Variants in FAM184A observed in about 807,000 individuals in gnomAD.
FAM184A encodes family with sequence similarity 184 member A.
A neutral mutation model predicts 143.8 loss-of-function variants in FAM184A; 99 were observed. The observed-to-expected ratio is 0.69, with a 90% CI of 0.58 to 0.81. FAM184A has a LOEUF of 0.81. Among genes scored for constraint, FAM184A ranks in the 40% least tolerant of loss-of-function variants. The probability of loss-of-function intolerance (pLI) is 0.00; values close to 1 mark genes in which losing one functional copy is unlikely to be tolerated. For synonymous variants in FAM184A, 427 were observed against 446.4 expected (o/e 0.96, Z 0.55); for missense variants, 1,217 against 1,310.5 (o/e 0.93, Z 1.10).
At chr6:119,032,536 G>A (rs1342935461) in intron 1 of FAM184A, among the ~76,000 whole-genome samples, 1 of 147,178 alleles carries the variant, frequency 6.8e-6, no homozygotes, top group Non-Finnish European at 1.5e-5. Flanking sequence ...GAGGGAGAGG[G>A]AGAGGGAGAG....
At chr6:119,136,122 C>CA (rs1342560926) in intron 1 of FAM184A, among the ~76,000 whole-genome samples, 18 of 148,300 alleles carry the variant, frequency 1.2e-4, no homozygotes. Flanking sequence ...ACTAAAAATA[C>CA]AAAAAATTAG....
intron 1 of FAM184A, among the ~76,000 whole-genome samples, chr6:119,072,497 C>G (rs1787727199): frequency 6.6e-6 from 1 of 152,268 alleles, no homozygotes; most frequent in South Asian, 2.1e-4. Context: ...GAAAGAGTAT[C>G]TAGATAATTC....
intron 1 of FAM184A, among the ~76,000 whole-genome samples, chr6:119,123,248 G>T (rs952751628): frequency 1.3e-5 from 2 of 151,976 alleles, no homozygotes; most frequent in Non-Finnish European, 2.9e-5. Context: ...AATTAGCCGG[G>T]CCTGGTGGTG....
At chr6:118,989,789 G>C (rs867340479) in intron 9 of FAM184A, among the ~76,000 whole-genome samples, 72 of 148,792 alleles carry the variant, frequency 4.8e-4, no homozygotes, top group African/African-American at 1.6e-3. Flanking sequence ...ACTTTTAGTT[G>C]TAGTATTTTT....
Position 118,961,893 on chromosome 6 carries a change from G to C in FAM184A, c.3209C>G (p.Ser1070Cys), listed in dbSNP as rs762827450. Residue 1070 changes from serine (S) to cysteine (C), a missense_variant, in exon 17 of 18, where the codon TCT (serine) becomes TGT (cysteine). Ser to Cys is a moderately radical substitution (Grantham distance 112, BLOSUM62 -1). Coordinates refer to ENST00000338891, the MANE Select transcript of FAM184A (RefSeq NM_024581.6). ...AGGATGTCCATTGCCCACTCCACCA[G>C]ATTCCAGAGCACTTAGATTGGGAAC... ...VSVPNLSALE[S>C]GGVGNGHPNR... is the part of the protein sequence containing the mutation. 2 of 1,613,930 alleles carry C rather than the reference G, an allele frequency of 1.2e-6. No homozygotes were observed. Among genetic ancestry groups the C allele is most frequent in the East Asian group, 4.5e-5 (2 of 44,882 alleles).
chr6:119,086,223 T>A (rs957713750), intron 1 of FAM184A, among the ~76,000 whole-genome samples: 8 of 152,266 alleles, frequency 5.3e-5, no homozygotes, highest in African/African-American at 1.9e-4. Context: ...AGATTGTTTA[T>A]GCAGAAATAT....
intron 1 of FAM184A, among the ~76,000 whole-genome samples, chr6:119,067,079 T>G (rs1787477580): frequency 6.6e-6 from 1 of 152,254 alleles, no homozygotes; most frequent in Non-Finnish European, 1.5e-5. Flanking sequence ...TTTACATATT[T>G]TTTTTCCTTT....
intron 4 of FAM184A, among the ~76,000 whole-genome samples, chr6:119,017,162 T>A (rs1785285472): frequency 6.6e-6 from 1 of 152,172 alleles, no homozygotes; most frequent in South Asian, 2.1e-4. Context: ...TAGACTATTA[T>A]CATATTAGAC....
At chr6:119,085,218 A>C (rs1788186507) in intron 1 of FAM184A, among the ~76,000 whole-genome samples, 1 of 152,132 alleles carries the variant, frequency 6.6e-6, no homozygotes, top group South Asian at 2.1e-4. Flanking sequence ...TGTAAGTTCC[A>C]GTTTCAGATA....
At chr6:118,994,737 A>ATAAATAAATAGC (rs1171147943) in intron 9 of FAM184A, among the ~76,000 whole-genome samples, 4 of 134,546 alleles carry the variant, frequency 3.0e-5, no homozygotes, top group Non-Finnish European at 5.2e-5. Flanking sequence ...AAATAAATAA[A>ATAAATAAATAGC]AAGCCAGAGG....
At position 118,960,194 on chromosome 6, in the gene FAM184A, T is replaced by C. The variant is rs1192718433; in HGVS notation, c.3342-10A>G. 13 of 1,608,370 alleles carry C rather than the reference T, an allele frequency of 8.1e-6. No homozygotes were observed. Among genetic ancestry groups the C allele is most frequent in the East Asian group, 2.2e-5 (1 of 44,848 alleles). ...TTCACTCTGAGCAGGACTGAATTCA[T>C]AAAAAGAGAGACATGTAACCCAGCA... On this transcript the variant is annotated splice_polypyrimidine_tract_variant and intron_variant, in intron 17 of 17. Coordinates refer to ENST00000338891, the MANE Select transcript of FAM184A (RefSeq NM_024581.6).
intron 1 of FAM184A, among the ~76,000 whole-genome samples, chr6:119,073,183 A>G (rs1490482470): frequency 6.6e-6 from 1 of 152,230 alleles, no homozygotes; most frequent in East Asian, 1.9e-4. Flanking sequence ...AAGCCCAACA[A>G]GGGTAGCTGG....
chr6:119,081,879 C>G (rs926171079), upstream of FAM184A, among the ~76,000 whole-genome samples: 1 of 152,216 alleles, frequency 6.6e-6, no homozygotes, highest in African/African-American at 2.4e-5. Flanking sequence ...TCTTGGCATC[C>G]AGCCACCTGT....
chr6:119,141,372 C>T (rs115730491), intron 1 of FAM184A, among the ~76,000 whole-genome samples: 2,457 of 152,320 alleles, frequency 0.016, 66 homozygotes, highest in African/African-American at 0.053. Flanking sequence ...GCTCGACAGT[C>T]GAGTGCAGCG....
chr6:119,059,912 T>A (rs976157745), intron 1 of FAM184A, among the ~76,000 whole-genome samples: 2 of 152,222 alleles, frequency 1.3e-5, no homozygotes, highest in African/African-American at 4.8e-5. Flanking sequence ...TTGTTTGGTA[T>A]AATTTTAATA....
At chr6:119,000,284 A>C (rs1471949875) in intron 9 of FAM184A, among the ~76,000 whole-genome samples, 1 of 152,242 alleles carries the variant, frequency 6.6e-6, no homozygotes, top group African/African-American at 2.4e-5. Flanking sequence ...TTCCTTGGAT[A>C]GAGTTGAAGA....
intron 1 of FAM184A, among the ~76,000 whole-genome samples, chr6:119,085,871 A>G (rs1788206918): frequency 6.6e-6 from 1 of 152,180 alleles, no homozygotes; most frequent in Non-Finnish European, 1.5e-5. Context: ...AGCAGGAGAA[A>G]GAGAGAGTGG....
rs529699497 is a variant in FAM184A at position 119,061,389 on chromosome 6, TGTGTCATCCAG to T, written c.159+16741_159+16751del. 1.4e-4 allele frequency among the ~76,000 whole-genome samples: 22 copies of T among 152,098 alleles called. No individual in the cohort carries two copies. The South Asian group carries it at 4.6e-3, about 32-fold the overall frequency. On this transcript the variant is annotated intron_variant, in intron 1 of 17. Transcript: ENST00000338891. ...TTTTTTAATAGAGACAAGGTCACAC[TGTGTCATCCAG>T]GCTGAAGTGCAGTGATGCAATCACA...
At chr6:119,057,156 T>C (rs980143035) in intron 1 of FAM184A, among the ~76,000 whole-genome samples, 1 of 152,168 alleles carries the variant, frequency 6.6e-6, no homozygotes, top group Non-Finnish European at 1.5e-5. Flanking sequence ...AATACACACA[T>C]ACACACTATT....
Sources: allele counts gnomAD v4.1 joint callset (sites outside exome capture counted in the v4.1 genomes callset), GRCh38; gene constraint gnomAD v4.1.1; transcripts MANE v1.5; gene names NCBI Gene and HGNC (gene_info 2026-07-23, HGNC 2026-07-21).